Variants in CCSER1 observed in about 807,000 individuals in gnomAD.
The protein encoded by CCSER1 is serine-rich coiled-coil domain-containing protein 1.
In CCSER1, 41 loss-of-function variants were observed where a neutral mutation model predicts 82.0. The observed-to-expected ratio is 0.50, with a 90% CI of 0.39 to 0.65. The LOEUF is 0.65. Ranked by LOEUF, CCSER1 falls within the 30% of genes least tolerant of loss-of-function variation. CCSER1 has a pLI of 0.00. For missense variants in CCSER1, 1,119 were observed against 1,064.2 expected (o/e 1.05, Z -0.72); for synonymous variants, 414 against 383.9 (o/e 1.08, Z -0.92).
intron 10 of CCSER1, among the ~76,000 whole-genome samples, chr4:91,098,979 G>A (rs1224225277): frequency 6.6e-6 from 1 of 152,154 alleles, no homozygotes; most frequent in East Asian, 1.9e-4. Context: ...TTAAGGTCTA[G>A]TATTTTGTAT....
rs1259840333 is a variant in CCSER1 at position 91,598,651 on chromosome 4, G to A, written c.2297G>A (p.Arg766His). ...RKAIHTPTEDRFRYSAADQTS... is the reference protein window; with the variant it reads ...RKAIHTPTEDHFRYSAADQTS... ...GCAATACATACTCCCACCGAGGACCGTTTTAGGTATTCGGCAGCGGACCAG... is the reference window on the plus strand; with the variant it reads ...GCAATACATACTCCCACCGAGGACCATTTTAGGTATTCGGCAGCGGACCAG... The change falls in exon 11 of 11, where the codon CGT becomes CAT. Residue 766 changes from arginine to histidine, a missense_variant. Arg to His is a conservative substitution (Grantham distance 29). Coordinates refer to ENST00000509176, the MANE Select transcript of CCSER1 (RefSeq NM_001145065.2). 18 of 1,551,468 alleles carry A rather than the reference G, an allele frequency of 1.2e-5. No individual in the cohort carries two copies. The highest frequency in any genetic ancestry group is 1.6e-5 in the Non-Finnish European group (18 of 1,146,904).
At chr4:91,291,944 C>T (rs772992008) in intron 10 of CCSER1, among the ~76,000 whole-genome samples, 34 of 152,056 alleles carry the variant, frequency 2.2e-4, no homozygotes, top group East Asian at 3.9e-4. Flanking sequence ...TTGTGATAAA[C>T]GCAGACTTCT....
intron 5 of CCSER1, among the ~76,000 whole-genome samples, chr4:90,601,187 A>G (rs1783991990): frequency 6.6e-6 from 1 of 152,026 alleles, no homozygotes; most frequent in Non-Finnish European, 1.5e-5. Flanking sequence ...CTTCAGTACA[A>G]TGTTGAGCAG....
chr4:90,376,012 G>A (rs557942875), intron 3 of CCSER1, among the ~76,000 whole-genome samples: 1 of 152,188 alleles, frequency 6.6e-6, no homozygotes, highest in Non-Finnish European at 1.5e-5. Context: ...GGGGCACTAT[G>A]TGTGGCCCTG....
intron 10 of CCSER1, among the ~76,000 whole-genome samples, chr4:91,264,326 A>T (rs1741410227): frequency 6.6e-6 from 1 of 151,748 alleles, no homozygotes; most frequent in African/African-American, 2.4e-5. Context: ...TAAAAAAATC[A>T]TGGTTGTAGT....
At chr4:90,446,633 T>G (rs1245662656) in intron 4 of CCSER1, among the ~76,000 whole-genome samples, 1 of 152,174 alleles carries the variant, frequency 6.6e-6, no homozygotes, top group East Asian at 1.9e-4. Context: ...ATGTTTCAAG[T>G]AAAAGGAAAT....
intron 1 of CCSER1, among the ~76,000 whole-genome samples, chr4:90,208,507 G>A (rs959463440): frequency 1.3e-5 from 2 of 151,682 alleles, no homozygotes; most frequent in Non-Finnish European, 2.9e-5. Context: ...TTCCAGGGGC[G>A]TGAACGGTTT....
At chr4:91,268,097 A>G (rs1190870761) in intron 10 of CCSER1, among the ~76,000 whole-genome samples, 1 of 152,256 alleles carries the variant, frequency 6.6e-6, no homozygotes, top group Non-Finnish European at 1.5e-5. Flanking sequence ...AATGTTTCTC[A>G]TTAAACTAGA....
At chr4:90,157,037 C>G (rs1728363104) in intron 1 of CCSER1, among the ~76,000 whole-genome samples, 1 of 152,134 alleles carries the variant, frequency 6.6e-6, no homozygotes, top group Admixed American at 6.6e-5. Context: ...ATGTTTAGTG[C>G]TTCCTTCAGG....
chr4:90,311,120 G>A (rs1426256242), intron 2 of CCSER1, among the ~76,000 whole-genome samples: 1 of 151,954 alleles, frequency 6.6e-6, no homozygotes, highest in Non-Finnish European at 1.5e-5. Context: ...AATTTTGCAT[G>A]TCATGTTAAT....
intron 5 of CCSER1, among the ~76,000 whole-genome samples, chr4:90,620,173 A>C (rs538957828): frequency 6.6e-6 from 1 of 152,296 alleles, no homozygotes; most frequent in East Asian, 1.9e-4. Flanking sequence ...ATTTAATCTA[A>C]TTCCCTAAGA....
Position 90,308,464 on chromosome 4 carries a change from G to A in CCSER1, c.180G>A (p.Arg60=), listed in dbSNP as rs761651079. 1.2e-6 allele frequency: 2 copies of A among 1,613,808 alleles called. No homozygotes were observed. The stretch of plus-strand genomic sequence containing the variant: ...GCTCAGGTAGCACAGGTAAACGGAG[G>A]AGCATATTCCGTACTCCTTCCATTA... ...NSSSGSTGKR[R]SIFRTPSISF... Residue 60 remains arginine (R), a synonymous_variant, in exon 2 of 11, where the codon AGG becomes AGA. Coordinates refer to ENST00000509176, the MANE Select transcript of CCSER1 (RefSeq NM_001145065.2).
intron 6 of CCSER1, among the ~76,000 whole-genome samples, chr4:90,637,774 A>G (rs551732673): frequency 2.0e-5 from 3 of 152,140 alleles, no homozygotes; most frequent in Non-Finnish European, 2.9e-5. Context: ...TCTGCCCTCT[A>G]TGTTCTTTGT....
chr4:91,035,257 C>G (rs564654081), intron 9 of CCSER1, among the ~76,000 whole-genome samples: 9 of 152,066 alleles, frequency 5.9e-5, no homozygotes, highest in Admixed American at 4.6e-4. Flanking sequence ...TATTTCAGAT[C>G]TAGGATCCCC....
At chr4:91,407,944 C>T (rs1752800210) in intron 10 of CCSER1, among the ~76,000 whole-genome samples, 1 of 152,136 alleles carries the variant, frequency 6.6e-6, no homozygotes, top group African/African-American at 2.4e-5. Context: ...CCCACTAACT[C>T]CATTTGTCAG....
chr4:90,718,175 A>T (rs1244951953), intron 6 of CCSER1, among the ~76,000 whole-genome samples: 2 of 152,160 alleles, frequency 1.3e-5, no homozygotes, highest in East Asian at 3.8e-4. Context: ...ATGAGAATAC[A>T]TCCTAAAATT....
intron 4 of CCSER1, among the ~76,000 whole-genome samples, chr4:90,409,881 A>G (rs1052775267): frequency 6.6e-6 from 1 of 152,176 alleles, no homozygotes; most frequent in African/African-American, 2.4e-5. Context: ...GTATTCAGGA[A>G]ACCCATCTCA....
chr4:91,425,420 C>T (rs1414075845), intron 10 of CCSER1, among the ~76,000 whole-genome samples: 1 of 152,072 alleles, frequency 6.6e-6, no homozygotes, highest in Admixed American at 6.6e-5. Context: ...TTATGAATTA[C>T]ATGGGAATTG....
intron 10 of CCSER1, among the ~76,000 whole-genome samples, chr4:91,588,915 C>A (rs1469140132): frequency 1.3e-5 from 2 of 151,726 alleles, no homozygotes; most frequent in African/African-American, 4.8e-5. Flanking sequence ...CAAAACTAAT[C>A]TATCTTAATG....
Sources: allele counts gnomAD v4.1 joint callset (sites outside exome capture counted in the v4.1 genomes callset), GRCh38; gene constraint gnomAD v4.1.1; transcripts MANE v1.5; gene names NCBI Gene and HGNC (gene_info 2026-07-23, HGNC 2026-07-21).